The following SMCO2 variants were observed in gnomAD, a reference collection of about 807,000 sequenced individuals.
The protein encoded by SMCO2 is single-pass membrane protein with coiled-coil domains 2.
SMCO2 carries 25 observed loss-of-function variants against 29.5 expected under a neutral mutation model. The observed-to-expected ratio is 0.85, with a 90% CI of 0.62 to 1.18. The LOEUF (loss-of-function observed/expected upper bound fraction) is 1.18. SMCO2 is among the 50% of genes most tolerant of loss of function. The pLI, the probability that SMCO2 is intolerant of heterozygous loss-of-function variation, is 0.00. For synonymous variants in SMCO2, 117 were observed against 123.3 expected, an observed-to-expected ratio of 0.95 and a Z score of 0.34; for missense variants, 348 against 344.5, an observed-to-expected ratio of 1.01 and a Z score of -0.08.
chr12:27,469,724 A>G lies in SMCO2; in HGVS notation c.-10-898A>G, dbSNP rs190956342. ...CCTATAACTAGGAGTTATGTTTTGT[A>G]TCTATCCTTTCCCTACAGCTTTTTC... On this transcript the variant is annotated intron_variant, in intron 1 of 7. Coordinates refer to ENST00000298876, the Ensembl canonical transcript of SMCO2. 4.7e-3 allele frequency among the ~76,000 whole-genome samples: 720 copies of G among 152,072 alleles called. 5 individuals carry two copies. The highest frequency in any genetic ancestry group is 0.031 in the Middle Eastern group (9 of 292).
At chr12:27,428,818 CT>C in the SMCO2 span, among the ~76,000 whole-genome samples, 64 of 130,040 alleles carry the variant, frequency 4.9e-4, no homozygotes, top group East Asian at 6.7e-4. Context: ...AATAAATGTA[CT>C]TTTTTTTTTT....
At chr12:27,429,939 G>A in the SMCO2 span, among the ~76,000 whole-genome samples, 2 of 152,150 alleles carry the variant, frequency 1.3e-5, no homozygotes, top group Non-Finnish European at 2.9e-5. Flanking sequence ...TCCACCCCAA[G>A]ATCAAATAAA....
intron 4 of SMCO2, among the ~76,000 whole-genome samples, chr12:27,486,100 A>G (rs540437461): frequency 5.2e-4 from 79 of 152,304 alleles, no homozygotes; most frequent in Middle Eastern, 3.4e-3. Flanking sequence ...TGATCTTTAG[A>G]GATTGTTCTG....
the SMCO2 span, among the ~76,000 whole-genome samples, chr12:27,445,547 A>G: frequency 1.3e-5 from 2 of 152,246 alleles, no homozygotes; most frequent in Non-Finnish European, 2.9e-5. Flanking sequence ...AACAAAAGCC[A>G]CAATTTCAAA....
intron 2 of SMCO2, among the ~76,000 whole-genome samples, chr12:27,471,495 A>G (rs1246023738): frequency 6.6e-6 from 1 of 152,148 alleles, no homozygotes; most frequent in Non-Finnish European, 1.5e-5. Context: ...AACTACTTTT[A>G]TAGACACATA....
exon 8 of SMCO2, chr12:27,502,087 T>C: frequency 6.5e-7 from 1 of 1,543,552 alleles, no homozygotes; most frequent in Non-Finnish European, 8.7e-7. Context: ...GAGCCTTTCT[T>C]GAATTTGGAA....
the SMCO2 span, among the ~76,000 whole-genome samples, chr12:27,437,997 G>A: frequency 1.3e-5 from 2 of 152,018 alleles, no homozygotes; most frequent in Non-Finnish European, 2.9e-5. Context: ...TTCACAGTTG[G>A]GTTTTTATAA....
chr12:27,478,259 C>A (rs1333712880), intron 4 of SMCO2, among the ~76,000 whole-genome samples: 3 of 152,138 alleles, frequency 2.0e-5, no homozygotes, highest in Non-Finnish European at 4.4e-5. Flanking sequence ...TTACTGGGGA[C>A]AGTTACCCTA....
intron 7 of SMCO2, among the ~76,000 whole-genome samples, chr12:27,499,372 A>G (rs1259441611): frequency 6.6e-6 from 1 of 150,780 alleles, no homozygotes; most frequent in African/African-American, 2.5e-5. Flanking sequence ...ATGAATGTTC[A>G]AAGTAGGAAA....
chr12:27,474,637 G>A, intron 3 of SMCO2, 149 bp from the exon 4 acceptor site: 2 of 856,166 alleles, frequency 2.3e-6, no homozygotes, highest in South Asian at 3.6e-5. Context: ...GGGCATGTCT[G>A]CTTAGCTTAC....
rs552807352 is a variant in SMCO2 at position 27,478,918 on chromosome 12, G to C, written c.362+4005G>C. Among the ~76,000 whole-genome samples, 3 of 152,336 alleles carry C rather than the reference G, an allele frequency of 2.0e-5. No homozygotes were observed. In the East Asian group the frequency reaches 5.8e-4, roughly 29 times the overall value. Reference sequence around the variant, plus strand: ...CCCAGTGCTATTGATGGTGGCAGTGGCAGGGTGGACCTGTCCTCAGGCCCT... The same window carrying C: ...CCCAGTGCTATTGATGGTGGCAGTGCCAGGGTGGACCTGTCCTCAGGCCCT... On this transcript the variant is annotated intron_variant, in intron 4 of 7. Transcript: ENST00000298876.
chr12:27,458,284 C>T, the SMCO2 span, among the ~76,000 whole-genome samples: 1 of 152,066 alleles, frequency 6.6e-6, no homozygotes, highest in Admixed American at 6.5e-5. Flanking sequence ...AAACAATTAA[C>T]CTCATTTACC....
In SMCO2 at chr12:27,501,992, A is replaced by AT; in HGVS notation, c.759dup (p.Gly254TrpfsTer7). Reference sequence around the variant, plus strand: ...TCACTGGACTTTTATGTTACATACTATTTTTTGGTGCTACATTTCTCTTTG... The same window carrying AT: ...TCACTGGACTTTTATGTTACATACTATTTTTTTGGTGCTACATTTCTCTTTG... On this transcript the variant is annotated frameshift_variant, in exon 8 of 8. Transcript: ENST00000298876. LOFTEE classifies it high-confidence loss of function. The AT allele has an allele frequency of 6.5e-7, 1 of 1,547,936 alleles. No individual in the cohort carries two copies. The highest frequency in any genetic ancestry group is 8.7e-7 in the Non-Finnish European group (1 of 1,145,918).
At chr12:27,445,581 A>G in the SMCO2 span, among the ~76,000 whole-genome samples, 1 of 152,206 alleles carries the variant, frequency 6.6e-6, no homozygotes, top group Non-Finnish European at 1.5e-5. Flanking sequence ...AACGTAAACT[A>G]TATAAGCTCA....
intron 4 of SMCO2, among the ~76,000 whole-genome samples, chr12:27,485,688 C>A (rs553160890): frequency 1.3e-5 from 2 of 152,104 alleles, no homozygotes; most frequent in African/African-American, 2.4e-5. Context: ...CTCAGGCAAT[C>A]GGCCCACCTC....
At chr12:27,443,546 G>C in the SMCO2 span, among the ~76,000 whole-genome samples, 89 of 152,114 alleles carry the variant, frequency 5.9e-4, no homozygotes, top group Non-Finnish European at 1.1e-3. Context: ...GAAACAAAAG[G>C]CATCTAAACT....
chr12:27,481,209 G>C (rs938616421), intron 4 of SMCO2, among the ~76,000 whole-genome samples: 2 of 152,214 alleles, frequency 1.3e-5, no homozygotes, highest in Non-Finnish European at 2.9e-5. Flanking sequence ...ATGGTGCCGT[G>C]CTGCAGTTGC....
the SMCO2 span, among the ~76,000 whole-genome samples, chr12:27,434,933 A>C: frequency 6.6e-6 from 1 of 152,118 alleles, no homozygotes; most frequent in African/African-American, 2.4e-5. Context: ...GGAAGGTTCC[A>C]CTCACAACCA....
chr12:27,449,723 C>G, the SMCO2 span, among the ~76,000 whole-genome samples: 3 of 152,184 alleles, frequency 2.0e-5, no homozygotes, highest in South Asian at 2.1e-4. Context: ...CCAATTATGT[C>G]CCACTCCCCT....
Sources: gnomAD v4.1 joint callset for allele counts (sites outside exome capture counted in the v4.1 genomes callset) on GRCh38, gnomAD v4.1.1 for gene constraint, MANE v1.5 for transcripts, NCBI Gene and HGNC (gene_info 2026-07-23, HGNC 2026-07-21) for gene names.